BOD1L1: variants seen among roughly 807,000 people sequenced by gnomAD.
BOD1L1 encodes biorientation of chromosomes in cell division protein 1-like 1.
A neutral mutation model predicts 240.7 loss-of-function variants in BOD1L1; 86 were observed. The observed-to-expected ratio is 0.36, with a 90% CI of 0.30 to 0.43. BOD1L1 has a LOEUF of 0.43. Among genes scored for constraint, BOD1L1 ranks in the 20% least tolerant of loss-of-function variants. The probability of loss-of-function intolerance (pLI) is 1.00; values close to 1 mark genes in which losing one functional copy is unlikely to be tolerated. For synonymous variants in BOD1L1, 1,268 were observed against 1,272.3 expected (o/e 1.00, Z 0.07); for missense variants, 3,554 against 3,643.5 (o/e 0.98, Z 0.63).
chr4:13,585,750 C>A (rs1257328387), intron 17 of BOD1L1, among the ~76,000 whole-genome samples: 1 of 152,112 alleles, frequency 6.6e-6, no homozygotes, highest in African/African-American at 2.4e-5. Context: ...AATCGGGGGG[C>A]AGGTTTGTCC....
Position 13,602,010 on chromosome 4 carries a change from T to C in BOD1L1, c.4890A>G (p.Leu1630=), listed in dbSNP as rs529982803. The C allele has an allele frequency of 3.7e-6, 6 of 1,613,998 alleles. No individual in the cohort carries two copies. The South Asian group carries it at 6.6e-5, about 18-fold the overall frequency. ...CGATTTTAACTGCATGCACAGCCAG[T>C]AGGTCTGCTGCTCTGTCCTCAGATT... ...VAESEDRAAD[L]LAVHAVKIEA... The change falls in exon 10 of 26, where the codon CTA becomes CTG. Residue 1630 remains leucine (L), a synonymous_variant. Coordinates refer to ENST00000040738, the MANE Select transcript of BOD1L1 (RefSeq NM_148894.3).
chr4:13,618,579 C>T (rs1716797671), intron 2 of BOD1L1, among the ~76,000 whole-genome samples: 1 of 152,192 alleles, frequency 6.6e-6, no homozygotes, highest in South Asian at 2.1e-4. Flanking sequence ...TTGATCTCAC[C>T]TGGACTCTTT....
rs1473244635 is a variant in BOD1L1, at chr4:13,613,094, CG to C, written c.1324+417del. On this transcript the variant is annotated intron_variant, in intron 5 of 25. Transcript: ENST00000040738. This position sits in a 1 kb window ranked among gnomAD's most constrained non-coding sequence, Gnocchi z 4.0. ...CCATAGCTGTGAGTATACCACCTTT[CG>C]GTAAGTTCTATGAGCCCTTTTAGCA... 6.6e-6 allele frequency among the ~76,000 whole-genome samples: 1 copy of C among 152,138 alleles called. No individual in the cohort carries two copies. Among genetic ancestry groups the C allele is most frequent in the East Asian group, 1.9e-4 (1 of 5,200 alleles).
rs1272871092 is a variant in BOD1L1, at chr4:13,572,733, C to T, written c.9039-2605G>A. 5.4e-6 allele frequency: 7 copies of T among 1,289,692 alleles called. No homozygotes were observed. The Admixed American group carries it at 6.9e-5, about 13-fold the overall frequency. The allele number at this position is 1,289,692 out of a possible 1,614,324, so 79.9% of individuals were successfully genotyped here. A position where few individuals can be genotyped will look rare whatever the true frequency, so the allele number is the denominator to read the frequency against. ...AATGGGGGAGAGTTACTAACTTTTT[C>T]GCTGGTAGGTAACTTCTCTTTTGCT... On this transcript the variant is annotated intron_variant, in intron 25 of 25. Transcript: ENST00000040738.
At chr4:13,608,424 A>G (rs1577363576) in intron 8 of BOD1L1, 106 bp downstream of exon 8, 1 of 1,019,284 alleles carries the variant, frequency 9.8e-7, no homozygotes, top group African/African-American at 1.7e-5. Flanking sequence ...AACATGCAGT[A>G]ACATACACAA....
At chr4:13,582,203 T>C (rs961741744) in intron 19 of BOD1L1, 34 bp downstream of exon 19, 2 of 1,552,880 alleles carry the variant, frequency 1.3e-6, no homozygotes, top group Admixed American at 3.5e-5. Flanking sequence ...GCTTAAATAA[T>C]TGTGAACAAA....
At chr4:13,617,887 A>C (rs936837141) in intron 2 of BOD1L1, among the ~76,000 whole-genome samples, 2 of 152,212 alleles carry the variant, frequency 1.3e-5, no homozygotes, top group African/African-American at 4.8e-5. Flanking sequence ...ATAACTAAAT[A>C]ATCTCTTTAA....
intron 1 of BOD1L1, among the ~76,000 whole-genome samples, chr4:13,622,494 T>A (rs375388056): frequency 3.9e-5 from 6 of 152,220 alleles, no homozygotes; most frequent in African/African-American, 1.4e-4. Context: ...TTCTTCCTTT[T>A]CCAGTGCTTT....
At chr4:13,576,318 T>C (rs913537420) in intron 25 of BOD1L1, among the ~76,000 whole-genome samples, 1 of 152,184 alleles carries the variant, frequency 6.6e-6, no homozygotes, top group African/African-American at 2.4e-5. Flanking sequence ...GGTTTCTGGC[T>C]ACAATAGGGT....
chr4:13,594,060 G>A (rs1320851256), intron 12 of BOD1L1, among the ~76,000 whole-genome samples: 1 of 152,220 alleles, frequency 6.6e-6, no homozygotes, highest in Non-Finnish European at 1.5e-5. Context: ...TTCAGGGGAT[G>A]AGGAAGAAGA....
chr4:13,622,517 T>G lies in BOD1L1; in HGVS notation c.244-2450A>C, dbSNP rs146099784. ...TTTCCAGTGCTTTGGTGAAAAGCCT[T>G]AGAGTTATCCTTGAGTCCTCCCTTT... On this transcript the variant is annotated intron_variant, in intron 1 of 25. Transcript: ENST00000040738. Among the ~76,000 whole-genome samples, 57 of 152,330 alleles carry G rather than the reference T, an allele frequency of 3.7e-4. No individual in the cohort carries two copies. The East Asian group carries it at 0.01, about 28-fold the overall frequency.
intron 1 of BOD1L1, among the ~76,000 whole-genome samples, chr4:13,620,840 G>A (rs1332155033): frequency 6.6e-6 from 1 of 152,096 alleles, no homozygotes. Flanking sequence ...AATTATTGAG[G>A]GACAACTACT....
intron 12 of BOD1L1, chr4:13,592,226 A>T: frequency 5.2e-6 from 2 of 387,674 alleles, no homozygotes; most frequent in Non-Finnish European, 9.3e-6. Flanking sequence ...ATATTACATC[A>T]CTATGGTGAT....
At chr4:13,618,271 A>C (rs1405632464) in intron 2 of BOD1L1, among the ~76,000 whole-genome samples, 1 of 152,242 alleles carries the variant, frequency 6.6e-6, no homozygotes, top group Non-Finnish European at 1.5e-5. Flanking sequence ...CTCCCAAAAA[A>C]ACATGCTTTT....
chr4:13,581,438 A>G (rs760221893), intron 19 of BOD1L1, among the ~76,000 whole-genome samples: 6 of 152,198 alleles, frequency 3.9e-5, no homozygotes, highest in African/African-American at 1.4e-4. Context: ...TGGAGCCATG[A>G]GGATTTTGAG....
intron 16 of BOD1L1, 107 bp downstream of exon 16, chr4:13,587,592 T>C (rs1229508961): frequency 2.5e-6 from 2 of 798,748 alleles, no homozygotes; most frequent in Non-Finnish European, 4.0e-6. Context: ...ACTTGTAAAG[T>C]AGAGAGTTAC....
At chr4:13,622,156 T>C (rs1344445645) in intron 1 of BOD1L1, among the ~76,000 whole-genome samples, 1 of 152,170 alleles carries the variant, frequency 6.6e-6, no homozygotes, top group Non-Finnish European at 1.5e-5. Context: ...TCAGCCACCA[T>C]ACCCAGCCCT....
intron 25 of BOD1L1, chr4:13,572,681 GAAGTGT>G: frequency 7.8e-7 from 1 of 1,287,416 alleles, no homozygotes; most frequent in Non-Finnish European, 1.0e-6. Flanking sequence ...AAAATGGCTT[GAAGTGT>G]AAGCAGGGAC....
intron 2 of BOD1L1, among the ~76,000 whole-genome samples, chr4:13,617,117 T>C (rs1716672118): frequency 6.6e-6 from 1 of 151,640 alleles, no homozygotes; most frequent in African/African-American, 2.4e-5. Flanking sequence ...TGGTGGCACG[T>C]GCCTGTAATC....
Sources: gnomAD v4.1 joint callset for allele counts (sites outside exome capture counted in the v4.1 genomes callset) on GRCh38, gnomAD v4.1.1 for gene constraint, Gnocchi (gnomAD v3.1) non-coding constraint, MANE v1.5 for transcripts, NCBI Gene and HGNC (gene_info 2026-07-23, HGNC 2026-07-21) for gene names.